BID: variants seen among roughly 807,000 people sequenced by gnomAD.
BID encodes BH3-interacting domain death agonist.
In BID, 19 loss-of-function variants were observed where a neutral mutation model predicts 17.4. The ratio of observed to expected loss-of-function variants is 1.09; its 90% CI spans 0.76 to 1.60. BID has a LOEUF of 1.60. Among genes scored for constraint, BID ranks in the 40% most tolerant of loss-of-function variants. The pLI is 0.00. For synonymous variants in BID, 108 were observed against 102.8 expected (o/e 1.05, Z -0.31); for missense variants, 226 against 256.0 (o/e 0.88, Z 0.80).
intron 2 of BID, 124 bp from the exon 3 acceptor site, chr22:17,744,137 G>A: frequency 1.2e-6 from 1 of 840,348 alleles, no homozygotes; most frequent in Non-Finnish European, 1.9e-6. Flanking sequence ...GGGACCCTGT[G>A]GGCTGGAGGG....
chr22:17,748,753 G>A (rs1031951504), intron 2 of BID, among the ~76,000 whole-genome samples: 2 of 152,150 alleles, frequency 1.3e-5, no homozygotes, highest in African/African-American at 4.8e-5. Context: ...GAGGGCAGGC[G>A]CCTCCTCCGG....
chr22:17,744,586 G>A (rs1327267834), intron 2 of BID, among the ~76,000 whole-genome samples: 1 of 152,218 alleles, frequency 6.6e-6, no homozygotes, highest in Non-Finnish European at 1.5e-5. Context: ...GGTTTACTTT[G>A]GGTGGGTGTG....
intron 1 of BID, among the ~76,000 whole-genome samples, chr22:17,764,741 G>A (rs2061666354): frequency 6.6e-6 from 1 of 152,192 alleles, no homozygotes; most frequent in Admixed American, 6.5e-5. Flanking sequence ...GGGATCGGTT[G>A]GGGAGTGGTA....
At chr22:17,761,354 C>A (rs905559423) in intron 1 of BID, among the ~76,000 whole-genome samples, 1 of 151,716 alleles carries the variant, frequency 6.6e-6, no homozygotes, top group Non-Finnish European at 1.5e-5. Flanking sequence ...CAACATAAAG[C>A]ATCAAAAATG....
intron 1 of BID, among the ~76,000 whole-genome samples, chr22:17,763,410 AT>A (rs2061655513): frequency 6.6e-6 from 1 of 151,944 alleles, no homozygotes; most frequent in Admixed American, 6.6e-5. Flanking sequence ...CACCTGGCTA[AT>A]TTTTGTATTT....
At chr22:17,774,536 G>GC, upstream of BID, 1 of 157,928 alleles carries the variant, frequency 6.3e-6, no homozygotes, top group Non-Finnish European at 1.3e-5. Flanking sequence ...GCCCCGGCCC[G>GC]CCCCCGGCGG....
At chr22:17,749,109 C>A (rs2061517625) in intron 2 of BID, among the ~76,000 whole-genome samples, 1 of 152,204 alleles carries the variant, frequency 6.6e-6, no homozygotes, top group African/African-American at 2.4e-5. Flanking sequence ...AGTGCCAAGG[C>A]ATTAGACTTC....
At chr22:17,750,226 G>T in intron 1 of BID, 52 bp from the exon 2 acceptor site, 1 of 1,517,460 alleles carries the variant, frequency 6.6e-7, no homozygotes, top group Non-Finnish European at 9.0e-7. Context: ...CCCTGGTCAG[G>T]ACCCCTCGGG....
chr22:17,738,835 C>T (rs903219636), intron 4 of BID, among the ~76,000 whole-genome samples: 2 of 152,152 alleles, frequency 1.3e-5, no homozygotes, highest in African/African-American at 4.8e-5. Flanking sequence ...CAGCTCCTAC[C>T]GCTACAGGCC....
chr22:17,738,908 G>A (rs1046399876), intron 4 of BID, among the ~76,000 whole-genome samples: 3 of 152,136 alleles, frequency 2.0e-5, no homozygotes, highest in South Asian at 2.1e-4. Context: ...ACAGTGCCCC[G>A]GACCAATCTT....
intron 1 of BID, among the ~76,000 whole-genome samples, chr22:17,755,716 C>G (rs1401850621): frequency 6.6e-6 from 1 of 151,086 alleles, no homozygotes; most frequent in Non-Finnish European, 1.5e-5. Flanking sequence ...AGAAGAATCA[C>G]TTGAACCTGG....
In BID at chr22:17,739,356, G is replaced by C; in HGVS notation, c.356C>G (p.Ser119Trp). ...LALQLRNTSR[S>W]EEDRNRDLAT... is the part of the protein sequence containing the mutation. ...CCTCAGGCCCTCACTCACCTCCTCC[G>C]ACCGGCTGGTGTTCCTGAGCTGCAG... The change falls in exon 4 of 6, where the codon TCG (serine) becomes TGG (tryptophan). Residue 119 changes from serine to tryptophan, a missense_variant. Physicochemically the swap from Ser to Trp is radical, Grantham distance 177. Transcript: ENST00000622694. 1 of 1,593,242 alleles carries C rather than the reference G, an allele frequency of 6.3e-7. No individual in the cohort carries two copies. Among genetic ancestry groups the C allele is most frequent in the Admixed American group, 1.7e-5 (1 of 58,912 alleles).
At chr22:17,754,056 C>T (rs1335079141) in intron 1 of BID, among the ~76,000 whole-genome samples, 1 of 152,004 alleles carries the variant, frequency 6.6e-6, no homozygotes, top group Non-Finnish European at 1.5e-5. Flanking sequence ...TTCCCCCAGT[C>T]TCCAGGACTC....
chr22:17,772,128 T>C (rs1383905406), intron 1 of BID, among the ~76,000 whole-genome samples: 1 of 152,150 alleles, frequency 6.6e-6, no homozygotes, highest in Non-Finnish European at 1.5e-5. Context: ...ACCACCGTGA[T>C]GTGAGCCAGT....
intron 2 of BID, 54 bp downstream of exon 2, chr22:17,750,050 CT>C (rs2061525020): frequency 7.1e-6 from 11 of 1,556,544 alleles, no homozygotes; most frequent in Non-Finnish European, 9.7e-6. Flanking sequence ...CACGCAGGCC[CT>C]TACCCCTCGA....
At chr22:17,768,373 G>A (rs2061693469) in intron 1 of BID, among the ~76,000 whole-genome samples, 1 of 152,228 alleles carries the variant, frequency 6.6e-6, no homozygotes, top group South Asian at 2.1e-4. Flanking sequence ...TCCACCACAG[G>A]CCCCAGAAGT....
At chr22:17,736,349 TG>T (rs971923803) in intron 5 of BID, among the ~76,000 whole-genome samples, 1 of 150,856 alleles carries the variant, frequency 6.6e-6, no homozygotes, top group Non-Finnish European at 1.5e-5. Context: ...CCCAGCTTCT[TG>T]GGGGGCTGAG....
chr22:17,748,198 A>G (rs1296685), intron 2 of BID, among the ~76,000 whole-genome samples: 29,254 of 118,422 alleles, frequency 0.25, 3,160 homozygotes, highest in Middle Eastern at 0.29. Flanking sequence ...GACAGAGCAA[A>G]ACTGCGTCTC....
chr22:17,761,429 CTTT>C (rs57001710), intron 1 of BID, among the ~76,000 whole-genome samples: 91 of 106,284 alleles, frequency 8.6e-4, no homozygotes, highest in East Asian at 5.2e-3. Context: ...TAATCTTTCA[CTTT>C]TTTTTTTTTT....
Sources: gnomAD v4.1 joint callset for allele counts (sites outside exome capture counted in the v4.1 genomes callset) on GRCh38, gnomAD v4.1.1 for gene constraint, MANE v1.5 for transcripts, NCBI Gene and HGNC (gene_info 2026-07-23, HGNC 2026-07-21) for gene names.